DACH1: variants seen among roughly 807,000 people sequenced by gnomAD.
DACH1 encodes the protein dachshund family transcription factor 1.
Under a neutral mutation model 54.2 loss-of-function variants are expected in DACH1, and 12 were observed. That is an observed-to-expected ratio of 0.22 (90% CI 0.14 to 0.36). DACH1 has a LOEUF of 0.36. Among genes scored for constraint, DACH1 ranks in the 10% least tolerant of loss-of-function variants. The probability of loss-of-function intolerance (pLI) is 1.00; values close to 1 mark genes in which losing one functional copy is unlikely to be tolerated. For synonymous variants in DACH1, 386 were observed against 366.2 expected (o/e 1.05, Z -0.62); for missense variants, 805 against 929.8 (o/e 0.87, Z 1.75).
chr13:71,741,067 A>G (rs1368000450), intron 1 of DACH1, among the ~76,000 whole-genome samples: 1 of 152,158 alleles, frequency 6.6e-6, no homozygotes, highest in Admixed American at 6.5e-5. Flanking sequence ...CTAAAGAAAA[A>G]CTAGTAGTAA....
intron 1 of DACH1, among the ~76,000 whole-genome samples, chr13:71,739,008 T>C (rs1364239095): frequency 2.0e-5 from 3 of 151,890 alleles, no homozygotes; most frequent in Non-Finnish European, 4.4e-5. Context: ...ATCCCAGCAC[T>C]TTGGAAGGCC....
intron 2 of DACH1, chr13:71,675,001 C>T (rs1318614813): frequency 2.6e-5 from 18 of 694,752 alleles, no homozygotes; most frequent in Non-Finnish European, 4.6e-5. Flanking sequence ...AACGCCAGCG[C>T]CGCCTCTCGC....
chr13:71,722,883 G>C (rs963749479), intron 1 of DACH1, among the ~76,000 whole-genome samples: 2 of 152,054 alleles, frequency 1.3e-5, no homozygotes, highest in Non-Finnish European at 2.9e-5. Flanking sequence ...CTAAAGAGAG[G>C]AGGAGGATTC....
chr13:71,536,304 A>G (rs1231218438), intron 6 of DACH1, among the ~76,000 whole-genome samples: 1 of 152,112 alleles, frequency 6.6e-6, no homozygotes, highest in African/African-American at 2.4e-5. Flanking sequence ...TCTCAAGCGC[A>G]ATTTTATCCC....
rs1594124223 is a variant in DACH1 at position 71,710,693 on chromosome 13, G to T, written c.849-28783C>A. ...GTATCATTTTGGAGGTGGCCAGGTAGGAAAACACATGACAGCCTGCCTAAA... is the reference window on the plus strand; with the variant it reads ...GTATCATTTTGGAGGTGGCCAGGTATGAAAACACATGACAGCCTGCCTAAA... On this transcript the variant is annotated intron_variant, in intron 1 of 10. Coordinates refer to ENST00000613252, the MANE Select transcript of DACH1 (RefSeq NM_080759.6). Among the ~76,000 whole-genome samples the T allele has an allele frequency of 2.0e-5, 3 of 152,026 alleles. No individual in the cohort carries two copies. In the East Asian group the frequency reaches 5.8e-4, roughly 29 times the overall value.
Position 71,503,637 on chromosome 13 carries a change from T to G in DACH1, c.1571-14489A>C, listed in dbSNP as rs147732066. 7.9e-3 allele frequency among the ~76,000 whole-genome samples: 1,206 copies of G among 152,344 alleles called. 18 individuals carry two copies. Among genetic ancestry groups the G allele is most frequent in the African/African-American group, 0.027 (1,112 of 41,590 alleles). On this transcript the variant is annotated intron_variant, in intron 6 of 10. Coordinates refer to ENST00000613252, the MANE Select transcript of DACH1 (RefSeq NM_080759.6). ...TGTGCAGCAAAAGAGACTAAGTAAA[T>G]GCATATAACATTATAGTAAGATTTG...
At chr13:71,615,019 T>A (rs1200455322) in intron 3 of DACH1, among the ~76,000 whole-genome samples, 1 of 151,526 alleles carries the variant, frequency 6.6e-6, no homozygotes, top group Non-Finnish European at 1.5e-5. Context: ...ACATAAATCA[T>A]AAAAGTAAAT....
intron 6 of DACH1, among the ~76,000 whole-genome samples, chr13:71,540,105 T>C (rs890984558): frequency 1.4e-4 from 21 of 151,960 alleles, no homozygotes; most frequent in Non-Finnish European, 2.6e-4. Flanking sequence ...ATAAATTCAC[T>C]AGATAATATA....
At chr13:71,509,588 G>A (rs1880602460) in intron 6 of DACH1, among the ~76,000 whole-genome samples, 1 of 152,034 alleles carries the variant, frequency 6.6e-6, no homozygotes, top group Admixed American at 6.6e-5. Context: ...GTAGGAAACA[G>A]TCGGCTTATA....
intron 10 of DACH1, among the ~76,000 whole-genome samples, chr13:71,470,313 CT>C (rs67360461): frequency 0.89 from 124,531 of 139,488 alleles, 56,760 homozygotes; most frequent in East Asian, 0.99. Context: ...TCTGTTTTTT[CT>C]TTTTTTTTTT....
At chr13:71,551,840 T>C (rs1883835939) in intron 6 of DACH1, among the ~76,000 whole-genome samples, 1 of 152,068 alleles carries the variant, frequency 6.6e-6, no homozygotes, top group Admixed American at 6.6e-5. Context: ...AACTACATTA[T>C]TGTCTTTAGT....
chr13:71,859,752 A>G (rs1874233013), intron 1 of DACH1, among the ~76,000 whole-genome samples: 1 of 152,050 alleles, frequency 6.6e-6, no homozygotes, highest in African/African-American at 2.4e-5. Context: ...TTCCAAAGCA[A>G]TAATTTGGTA....
At chr13:71,551,427 T>C (rs1009244253) in intron 6 of DACH1, among the ~76,000 whole-genome samples, 2 of 152,272 alleles carry the variant, frequency 1.3e-5, no homozygotes, top group Non-Finnish European at 2.9e-5. Context: ...TCTAACTGTG[T>C]ATTTGGACCC....
intron 6 of DACH1, among the ~76,000 whole-genome samples, chr13:71,527,571 T>A (rs1882079736): frequency 6.6e-6 from 1 of 152,176 alleles, no homozygotes; most frequent in East Asian, 1.9e-4. Flanking sequence ...TTTTCTTCCG[T>A]ATCGGTCCTT....
At chr13:71,797,499 A>C (rs1017587657) in intron 1 of DACH1, among the ~76,000 whole-genome samples, 5 of 152,166 alleles carry the variant, frequency 3.3e-5, no homozygotes, top group African/African-American at 1.2e-4. Flanking sequence ...CAGTTCATCT[A>C]ATAAGTAATG....
intron 3 of DACH1, among the ~76,000 whole-genome samples, chr13:71,606,453 T>C (rs1355163482): frequency 6.6e-6 from 1 of 152,022 alleles, no homozygotes; most frequent in Non-Finnish European, 1.5e-5. Context: ...GAATCTAAAA[T>C]AGAAGTATTA....
At chr13:71,573,775 A>T (rs1414853391) in intron 3 of DACH1, among the ~76,000 whole-genome samples, 1 of 152,110 alleles carries the variant, frequency 6.6e-6, no homozygotes, top group Non-Finnish European at 1.5e-5. Flanking sequence ...TCTCAAAATT[A>T]AAAAAATATA....
At chr13:71,488,144 G>A (rs375056175) in intron 7 of DACH1, among the ~76,000 whole-genome samples, 28 of 152,232 alleles carry the variant, frequency 1.8e-4, no homozygotes, top group East Asian at 1.5e-3. Context: ...GATAGGATAT[G>A]TGTACAGAAA....
At chr13:71,757,293 G>C (rs909828107) in intron 1 of DACH1, among the ~76,000 whole-genome samples, 4 of 152,014 alleles carry the variant, frequency 2.6e-5, no homozygotes, top group East Asian at 1.9e-4. Flanking sequence ...ATAAGCACTA[G>C]AACACAAGCA....
Sources: allele counts gnomAD v4.1 joint callset (sites outside exome capture counted in the v4.1 genomes callset), GRCh38; gene constraint gnomAD v4.1.1; transcripts MANE v1.5; gene names NCBI Gene and HGNC (gene_info 2026-07-23, HGNC 2026-07-21).